EPHA6: variants seen among roughly 807,000 people sequenced by gnomAD.
The protein encoded by EPHA6 is EPH receptor A6, also known as ephrin type-A receptor 6.
In EPHA6, 50 loss-of-function variants were observed where a neutral mutation model predicts 112.0. The ratio of observed to expected loss-of-function variants is 0.45; its 90% CI spans 0.36 to 0.56. The LOEUF (loss-of-function observed/expected upper bound fraction) is 0.56. EPHA6 is among the 20% of genes least tolerant of loss of function. EPHA6 has a pLI of 0.00. For synonymous variants in EPHA6, 529 were observed against 490.7 expected (o/e 1.08, Z -1.03); for missense variants, 1,280 against 1,417.4 (o/e 0.90, Z 1.56).
intron 3 of EPHA6, among the ~76,000 whole-genome samples, chr3:97,221,672 C>T (rs1052509513): frequency 5.9e-5 from 9 of 152,092 alleles, no homozygotes; most frequent in Admixed American, 3.9e-4. Flanking sequence ...AATACTTGTG[C>T]AATTATCTCA....
At chr3:97,258,003 ATTTCTG>A (rs1277173420) in intron 5 of EPHA6, among the ~76,000 whole-genome samples, 3 of 151,966 alleles carry the variant, frequency 2.0e-5, no homozygotes, top group Admixed American at 2.0e-4. Flanking sequence ...ATAGTTGATT[ATTTCTG>A]TAAAATTATT....
intron 6 of EPHA6, among the ~76,000 whole-genome samples, chr3:97,440,403 T>A (rs2090075582): frequency 6.6e-6 from 1 of 151,976 alleles, no homozygotes; most frequent in African/African-American, 2.4e-5. Flanking sequence ...TATAGCATAT[T>A]GCTCCTAAAA....
intron 5 of EPHA6, among the ~76,000 whole-genome samples, chr3:97,374,447 T>G (rs2085233278): frequency 6.6e-6 from 1 of 152,152 alleles, no homozygotes; most frequent in African/African-American, 2.4e-5. Context: ...GATGTCATTC[T>G]CTCTTCATCT....
chr3:97,488,529 T>C (rs976326343), intron 10 of EPHA6, among the ~76,000 whole-genome samples: 1 of 152,208 alleles, frequency 6.6e-6, no homozygotes, highest in African/African-American at 2.4e-5. Flanking sequence ...TTTTCTACTC[T>C]AGAATATATT....
Position 96,814,656 on chromosome 3 carries a change from C to T in EPHA6, c.33C>T (p.Ser11=), listed in dbSNP as rs771049797. 6.8e-7 allele frequency: 1 copy of T among 1,475,296 alleles called. No individual in the cohort carries two copies. The highest frequency in any genetic ancestry group is 1.4e-5 in the South Asian group (1 of 69,234). The allele number at this position is 1,475,296 out of a possible 1,614,324, so 91.4% of individuals were successfully genotyped here. ...TCCCCTCGCCTCCAGCCGCGAGGAG[C>T]TCCCCGGCGCCGCAGGCAGCGTCCT... MQFPSPPAAR[S]SPAPQAASSS... The change falls in exon 1 of 18, where the codon AGC becomes AGT. Residue 11 remains serine, a synonymous_variant. Coordinates refer to ENST00000389672, the MANE Select transcript of EPHA6 (RefSeq NM_001080448.3).
At chr3:96,856,394 T>A (rs1195377113) in intron 1 of EPHA6, among the ~76,000 whole-genome samples, 1 of 152,080 alleles carries the variant, frequency 6.6e-6, no homozygotes, top group Non-Finnish European at 1.5e-5. Flanking sequence ...ATCTATAGAA[T>A]CAGAATTTTA....
intron 2 of EPHA6, among the ~76,000 whole-genome samples, chr3:96,978,742 T>C (rs1258924158): frequency 1.3e-5 from 2 of 152,168 alleles, no homozygotes; most frequent in African/African-American, 4.8e-5. Flanking sequence ...ATGCACTGTA[T>C]TTGAGAAGAA....
intron 14 of EPHA6, among the ~76,000 whole-genome samples, chr3:97,640,304 T>C (rs1377509906): frequency 6.6e-6 from 1 of 152,128 alleles, no homozygotes; most frequent in Non-Finnish European, 1.5e-5. Flanking sequence ...AATGGGCCTA[T>C]CGATGAAAAT....
intron 3 of EPHA6, among the ~76,000 whole-genome samples, chr3:97,093,865 A>AGG (rs1695368227): frequency 6.6e-6 from 1 of 152,148 alleles, no homozygotes; most frequent in African/African-American, 2.4e-5. Flanking sequence ...CCACGGGAGT[A>AGG]GTAAGACCAA....
At chr3:97,322,569 AAGAAAGCATTAC>A (rs1170167658) in intron 5 of EPHA6, among the ~76,000 whole-genome samples, 3 of 152,040 alleles carry the variant, frequency 2.0e-5, no homozygotes, top group Non-Finnish European at 4.4e-5. Flanking sequence ...TTTTAAAGGA[AAGAAAGCATTAC>A]AGTATGATTT....
intron 6 of EPHA6, among the ~76,000 whole-genome samples, chr3:97,419,794 C>T (rs2088463549): frequency 6.6e-6 from 1 of 152,032 alleles, no homozygotes; most frequent in Non-Finnish European, 1.5e-5. Context: ...TGATTGATTA[C>T]ATAAACCTTT....
At chr3:96,993,530 GC>G (rs1244826098) in intron 3 of EPHA6, among the ~76,000 whole-genome samples, 8 of 151,984 alleles carry the variant, frequency 5.3e-5, no homozygotes, top group Non-Finnish European at 1.2e-4. Context: ...ACTGCTCCTG[GC>G]CCCCACTATT....
At chr3:97,651,333 A>C (rs2094106222) in intron 14 of EPHA6, among the ~76,000 whole-genome samples, 2 of 152,050 alleles carry the variant, frequency 1.3e-5, no homozygotes, top group South Asian at 4.1e-4. Flanking sequence ...ATGTTAAAGC[A>C]CTTACAATGA....
intron 1 of EPHA6, among the ~76,000 whole-genome samples, chr3:96,827,321 C>A (rs1432665244): frequency 2.6e-5 from 4 of 152,094 alleles, no homozygotes; most frequent in Non-Finnish European, 5.9e-5. Context: ...AAGAAGTTTT[C>A]TTTTCCAGCC....
At chr3:97,712,769 G>T (rs973855954) in intron 14 of EPHA6, among the ~76,000 whole-genome samples, 8 of 152,166 alleles carry the variant, frequency 5.3e-5, no homozygotes, top group African/African-American at 1.9e-4. Flanking sequence ...GGTTTGAATA[G>T]CACGATAAGC....
intron 3 of EPHA6, among the ~76,000 whole-genome samples, chr3:97,064,880 T>G (rs945336012): frequency 4.6e-5 from 7 of 152,158 alleles, no homozygotes; most frequent in Non-Finnish European, 8.8e-5. Context: ...TGCTTCAGGA[T>G]TCTTCCTTTT....
chr3:97,538,902 T>A (rs1379911578), intron 11 of EPHA6, among the ~76,000 whole-genome samples: 1 of 152,172 alleles, frequency 6.6e-6, no homozygotes, highest in Non-Finnish European at 1.5e-5. Flanking sequence ...AAATTCCAAA[T>A]GTTCAGCATT....
chr3:97,591,696 T>C (rs565679885), intron 11 of EPHA6, among the ~76,000 whole-genome samples: 9 of 152,340 alleles, frequency 5.9e-5, no homozygotes, highest in African/African-American at 2.2e-4. Context: ...TTAAAGTTAT[T>C]AAGACACCAA....
intron 5 of EPHA6, among the ~76,000 whole-genome samples, chr3:97,387,661 T>C (rs1033958414): frequency 3.3e-5 from 5 of 152,208 alleles, no homozygotes; most frequent in African/African-American, 1.2e-4. Context: ...TCCTGTTTTC[T>C]TCTGAGCCCT....
Sources: allele counts gnomAD v4.1 joint callset (sites outside exome capture counted in the v4.1 genomes callset), GRCh38; gene constraint gnomAD v4.1.1; transcripts MANE v1.5; gene names NCBI Gene and HGNC (gene_info 2026-07-23, HGNC 2026-07-21).